The following IPCEF1 variants were observed in gnomAD, a reference collection of about 807,000 sequenced individuals.
The protein encoded by IPCEF1 is interaction protein for cytohesin exchange factors 1.
Under a neutral mutation model 50.9 loss-of-function variants are expected in IPCEF1, and 31 were observed. The observed-to-expected ratio is 0.61, with a 90% CI of 0.46 to 0.82. IPCEF1 has a LOEUF of 0.82. IPCEF1 is among the 40% of genes least tolerant of loss of function. The probability of loss-of-function intolerance (pLI) is 0.00; values close to 1 mark genes in which losing one functional copy is unlikely to be tolerated. For missense variants in IPCEF1, 458 were observed against 514.0 expected, an observed-to-expected ratio of 0.89 and a Z score of 1.05; for synonymous variants, 181 against 192.0, an observed-to-expected ratio of 0.94 and a Z score of 0.47.
intron 10 of IPCEF1, among the ~76,000 whole-genome samples, chr6:154,169,122 A>T (rs1356662658): frequency 1.3e-5 from 2 of 151,586 alleles, no homozygotes; most frequent in Non-Finnish European, 2.9e-5. Flanking sequence ...ACACTTTGGG[A>T]GGCCAAGGCA....
At chr6:154,234,273 G>A (rs1039647680) in intron 5 of IPCEF1, among the ~76,000 whole-genome samples, 1 of 152,142 alleles carries the variant, frequency 6.6e-6, no homozygotes, top group Non-Finnish European at 1.5e-5. Flanking sequence ...TGCGGTACAT[G>A]TTTTTCACAG....
chr6:154,300,123 A>G (rs183284364), intron 1 of IPCEF1, among the ~76,000 whole-genome samples: 7 of 141,680 alleles, frequency 4.9e-5, no homozygotes, highest in African/African-American at 1.8e-4. Context: ...AGGAAAGAAC[A>G]ATTACTTTAC....
At chr6:154,313,087 C>G (rs1431586902) in intron 1 of IPCEF1, among the ~76,000 whole-genome samples, 1 of 42,716 alleles carries the variant, frequency 2.3e-5, no homozygotes, top group African/African-American at 1.2e-4. Flanking sequence ...AAAAAAAAAA[C>G]ATGGCCGGGC....
chr6:154,294,048 T>A (rs1319925723), intron 1 of IPCEF1, among the ~76,000 whole-genome samples: 1 of 152,238 alleles, frequency 6.6e-6, no homozygotes, highest in Non-Finnish European at 1.5e-5. Context: ...ATTCCAATTA[T>A]GTCTTTGAAC....
chr6:154,180,694 T>C (rs962118138), intron 10 of IPCEF1, among the ~76,000 whole-genome samples: 1 of 152,174 alleles, frequency 6.6e-6, no homozygotes, highest in Non-Finnish European at 1.5e-5. Flanking sequence ...TTTTGGTCTT[T>C]CCTTGTGCTT....
chr6:154,325,229 A>G (rs1352022118), intron 1 of IPCEF1, among the ~76,000 whole-genome samples: 40 of 152,208 alleles, frequency 2.6e-4, no homozygotes, highest in Admixed American at 2.6e-3. Context: ...AAATCAAAAC[A>G]TAGAACAGTC....
At chr6:154,281,184 CAAAAAAAAAAAA>C (rs35597942) in intron 2 of IPCEF1, among the ~76,000 whole-genome samples, 1 of 59,146 alleles carries the variant, frequency 1.7e-5, no homozygotes, top group Non-Finnish European at 4.0e-5. Flanking sequence ...TACTAAAATA[CAAAAAAAAAAAA>C]AAAAAAAAAA....
intron 1 of IPCEF1, among the ~76,000 whole-genome samples, chr6:154,308,019 A>G (rs1046362576): frequency 1.3e-5 from 2 of 152,204 alleles, no homozygotes; most frequent in Non-Finnish European, 2.9e-5. Context: ...CTTTAAATAA[A>G]AACAGTTCTC....
At chr6:154,232,916 C>G (rs867565368) in intron 5 of IPCEF1, among the ~76,000 whole-genome samples, 3 of 149,874 alleles carry the variant, frequency 2.0e-5, no homozygotes, top group Admixed American at 6.6e-5. Context: ...GAAAAGAAAA[C>G]AAAAGAGAAG....
intron 10 of IPCEF1, among the ~76,000 whole-genome samples, chr6:154,176,243 T>C (rs1038417247): frequency 1.3e-5 from 2 of 152,300 alleles, no homozygotes; most frequent in African/African-American, 4.8e-5. Context: ...ACTGGAAGCA[T>C]TCCCTTTGAA....
At chr6:154,276,362 T>C (rs983952574) in intron 2 of IPCEF1, among the ~76,000 whole-genome samples, 6 of 151,752 alleles carry the variant, frequency 4.0e-5, no homozygotes, top group African/African-American at 1.5e-4. Context: ...GCCTTGTAAT[T>C]TTGCAAAGGT....
intron 1 of IPCEF1, among the ~76,000 whole-genome samples, chr6:154,295,691 G>A (rs1485090975): frequency 6.6e-6 from 1 of 152,198 alleles, no homozygotes; most frequent in Non-Finnish European, 1.5e-5. Context: ...GCCTTTTGTG[G>A]ATCTGAGTCC....
At chr6:154,221,759 A>T (rs554634066) in intron 6 of IPCEF1, among the ~76,000 whole-genome samples, 1 of 152,262 alleles carries the variant, frequency 6.6e-6, no homozygotes, top group East Asian at 1.9e-4. Context: ...CTCTAGTCCC[A>T]GCTACCCGGG....
At chr6:154,207,536 CTTCT>C (rs1025916075) in intron 9 of IPCEF1, among the ~76,000 whole-genome samples, 7 of 150,440 alleles carry the variant, frequency 4.7e-5, no homozygotes, top group African/African-American at 1.7e-4. Flanking sequence ...ATTTCACCTC[CTTCT>C]GTGTTTAAAC....
intron 5 of IPCEF1, among the ~76,000 whole-genome samples, chr6:154,234,344 AAGG>A (rs1357639740): frequency 1.3e-5 from 2 of 152,136 alleles, no homozygotes; most frequent in Non-Finnish European, 2.9e-5. Flanking sequence ...CCTGCTTGCT[AAGG>A]AGAACTTTAT....
At chr6:154,253,488 T>C (rs1252813918) in intron 3 of IPCEF1, among the ~76,000 whole-genome samples, 1 of 152,256 alleles carries the variant, frequency 6.6e-6, no homozygotes, top group Non-Finnish European at 1.5e-5. Flanking sequence ...TGCATAGTAC[T>C]GCAGTGAAGA....
intron 5 of IPCEF1, among the ~76,000 whole-genome samples, chr6:154,228,062 C>G (rs1036440891): frequency 6.6e-6 from 1 of 152,146 alleles, no homozygotes; most frequent in East Asian, 1.9e-4. Context: ...TCTCTTCCTC[C>G]TCCTTTTCCT....
intron 6 of IPCEF1, chr6:154,222,825 C>A (rs1158836151): frequency 6.9e-6 from 2 of 288,030 alleles, no homozygotes; most frequent in East Asian, 7.2e-5. Context: ...TCGGGTGAGT[C>A]CTATTTAACT....
chr6:154,177,420 C>T (rs1181783826), intron 10 of IPCEF1, among the ~76,000 whole-genome samples: 2 of 151,966 alleles, frequency 1.3e-5, no homozygotes, highest in Non-Finnish European at 2.9e-5. Flanking sequence ...AGAATCTACA[C>T]AGAACATAAA....
Sources: allele counts gnomAD v4.1 joint callset (sites outside exome capture counted in the v4.1 genomes callset), GRCh38; gene constraint gnomAD v4.1.1; transcripts MANE v1.5; gene names NCBI Gene and HGNC (gene_info 2026-07-23, HGNC 2026-07-21).